The following CTSH variants were observed in gnomAD, a reference collection of about 807,000 sequenced individuals.
The protein encoded by CTSH is cathepsin H.
CTSH carries 52 observed loss-of-function variants against 56.3 expected under a neutral mutation model. That is an observed-to-expected ratio of 0.92 (90% CI 0.74 to 1.16). The LOEUF (loss-of-function observed/expected upper bound fraction) is 1.16. CTSH is among the 50% of genes most tolerant of loss of function. The pLI, the probability that CTSH is intolerant of heterozygous loss-of-function variation, is 0.00. For missense variants in CTSH, 406 were observed against 424.5 expected, an observed-to-expected ratio of 0.96 and a Z score of 0.38; for synonymous variants, 174 against 155.7, an observed-to-expected ratio of 1.12 and a Z score of -0.88.
chr15:78,944,877 C>T lies in CTSH; in HGVS notation c.91+14G>A, dbSNP rs895016223. On this transcript the variant is annotated intron_variant, in intron 1 of 11. Coordinates refer to ENST00000220166, the MANE Select transcript of CTSH (RefSeq NM_004390.5). ...CCTGCTAGCACCCTCTCGGGCGGCG[C>T]GCCCTCTGCGTACCTAAGGAGTTCA... The T allele has an allele frequency of 2.6e-6, 4 of 1,545,198 alleles. No individual in the cohort carries two copies. The highest frequency in any genetic ancestry group is 3.5e-6 in the Non-Finnish European group (4 of 1,143,964).
intron 8 of CTSH, among the ~76,000 whole-genome samples, chr15:78,928,903 TCAC>T (rs1373874283): frequency 6.6e-6 from 1 of 151,742 alleles, no homozygotes; most frequent in Non-Finnish European, 1.5e-5. Flanking sequence ...GTGCTGCTCA[TCAC>T]CACGAGGGGA....
At position 78,922,074 on chromosome 15, in the gene CTSH, GC is replaced by G; in HGVS notation, c.*55del. 6.7e-7 allele frequency: 1 copy of G among 1,499,318 alleles called. No individual in the cohort carries two copies. The allele number at this position is 1,499,318 out of a possible 1,614,324, so 92.9% of individuals were successfully genotyped here. ...CCTCCAGGGCAGGATTTCCACCCAG[GC>G]CCAGGCTGCCCGTTCCTCTCCTTCT... is the stretch of plus-strand genomic sequence containing the variant. On this transcript the variant is annotated 3_prime_UTR_variant, in exon 12 of 12. Coordinates refer to ENST00000220166, the MANE Select transcript of CTSH (RefSeq NM_004390.5).
intron 7 of CTSH, 60 bp downstream of exon 7, chr15:78,931,391 C>T (rs2055056755): frequency 6.2e-7 from 1 of 1,607,278 alleles, no homozygotes; most frequent in East Asian, 2.2e-5. Context: ...ACACTGGATC[C>T]TGTCGAAGCG....
chr15:78,928,564 C>CAAAAAA (rs869261525), intron 8 of CTSH, among the ~76,000 whole-genome samples: 1 of 65,880 alleles, frequency 1.5e-5, no homozygotes, highest in Non-Finnish European at 3.1e-5. Flanking sequence ...GACTCCGTCT[C>CAAAAAA]AAAAAAAAAA....
chr15:78,921,865 A>G lies in CTSH; in HGVS notation c.*265T>C, dbSNP rs959357488. On this transcript the variant is annotated 3_prime_UTR_variant, in exon 12 of 12. Transcript: ENST00000220166. ...TGGAAAGTAGCCCTTCTGGACAGAA[A>G]GAATATTCGTGGTCCATGTGGTTTG... 1 of 500,096 alleles carries G rather than the reference A, an allele frequency of 2.0e-6. No homozygotes were observed. Among genetic ancestry groups the G allele is most frequent in the Non-Finnish European group, 3.6e-6 (1 of 279,874 alleles). The allele number at this position is 500,096 out of a possible 1,614,324, so 31.0% of individuals were successfully genotyped here. A position where few individuals can be genotyped will look rare whatever the true frequency, so the allele number is the denominator to read the frequency against.
Position 78,924,770 on chromosome 15 carries a change from A to G in CTSH, c.806+564T>C, listed in dbSNP as rs763705120. ...AGTGGCACGATCTTGGCTTAGTGCT[A>G]CTTCCACCTCCTAGGTTCAAGCCAT... On this transcript the variant is annotated intron_variant, in intron 10 of 11. Coordinates refer to ENST00000220166, the MANE Select transcript of CTSH (RefSeq NM_004390.5). Among the ~76,000 whole-genome samples, 13 of 148,376 alleles carry G rather than the reference A, an allele frequency of 8.8e-5. No homozygotes were observed. The South Asian group carries it at 2.3e-3, about 27-fold the overall frequency.
chr15:78,929,333 A>T (rs1335932633), intron 8 of CTSH, 79 bp downstream of exon 8: 2 of 1,080,526 alleles, frequency 1.9e-6, no homozygotes, highest in Admixed American at 3.9e-5. Flanking sequence ...GGGAGAAGGG[A>T]TGTCTTCCAA....
chr15:78,929,324 G>T, intron 8 of CTSH, 88 bp downstream of exon 8: 1 of 995,918 alleles, frequency 1.0e-6, no homozygotes, highest in Non-Finnish European at 1.6e-6. Context: ...GGAGGTGGGG[G>T]GAGAAGGGAT....
chr15:78,924,097 G>A (rs1310131288), intron 10 of CTSH, among the ~76,000 whole-genome samples: 2 of 4,278 alleles, frequency 4.7e-4, no homozygotes, highest in Non-Finnish European at 1.1e-3. Flanking sequence ...CCAACCCAGC[G>A]GGGGGGGGGG....
intron 2 of CTSH, 22 bp from the exon 3 acceptor site, chr15:78,937,445 G>C (rs1437675372): frequency 6.3e-7 from 1 of 1,596,258 alleles, no homozygotes; most frequent in Non-Finnish European, 8.6e-7. Context: ...CACGCCAGTA[G>C]CAAGTCATGG....
At chr15:78,942,822 T>C (rs1013090646) in intron 1 of CTSH, among the ~76,000 whole-genome samples, 1 of 152,196 alleles carries the variant, frequency 6.6e-6, no homozygotes, top group Non-Finnish European at 1.5e-5. Flanking sequence ...TATCTTCCTG[T>C]TTCCCCAAGG....
At chr15:78,932,600 C>A in intron 5 of CTSH, 142 bp from the exon 6 acceptor site, 1 of 633,298 alleles carries the variant, frequency 1.6e-6, no homozygotes, top group Non-Finnish European at 2.8e-6. Context: ...TGTTCCAGAT[C>A]CATTCATTCT....
intron 1 of CTSH, chr15:78,944,609 G>T: frequency 2.7e-6 from 1 of 365,746 alleles, no homozygotes; most frequent in Non-Finnish European, 4.9e-6. Context: ...GGAAGGAGCT[G>T]CGGGCTCCTT....
intron 6 of CTSH, 151 bp downstream of exon 6, chr15:78,932,221 T>G: frequency 3.7e-6 from 3 of 810,956 alleles, no homozygotes; most frequent in Non-Finnish European, 5.8e-6. Flanking sequence ...TCAATTGAGA[T>G]TCTCATGCCA....
At chr15:78,926,920 C>G (rs750807414) in intron 9 of CTSH, 2 of 152,348 alleles carry the variant, frequency 1.3e-5, no homozygotes, top group East Asian at 1.9e-4. Context: ...TTGGCACATG[C>G]TTCAACTAAA....
At position 78,941,795 on chromosome 15, in the gene CTSH, C is replaced by CAA. The variant is rs34594037; in HGVS notation, c.92-2626_92-2625dup. Among the ~76,000 whole-genome samples, 148 of 121,476 alleles carry CAA rather than the reference C, an allele frequency of 1.2e-3. 1 individual carries two copies. In the Middle Eastern group the frequency reaches 0.012, roughly 10 times the overall value. The allele number at this position is 121,476 out of a possible 152,430, so 79.7% of individuals were successfully genotyped here. A position where few individuals can be genotyped will look rare whatever the true frequency, so the allele number is the denominator to read the frequency against. On this transcript the variant is annotated intron_variant, in intron 1 of 11. Transcript: ENST00000220166. ...TGGGCGACAGAATGAGACTCCGTCTCAAAAAAAAAAAAAAAAATTTATTCT... is the reference window on the plus strand; with the variant it reads ...TGGGCGACAGAATGAGACTCCGTCTCAAAAAAAAAAAAAAAAAAATTTATTCT...
intron 2 of CTSH, 132 bp from the exon 3 acceptor site, chr15:78,937,555 ATGGGCGGGGTAC>A: frequency 7.4e-7 from 1 of 1,342,466 alleles, no homozygotes; most frequent in Non-Finnish European, 1.0e-6. Context: ...ATCTGTGTTA[ATGGGCGGGGTAC>A]TGCTGAGAAA....
rs368866340 is a variant in CTSH at position 78,922,620 on chromosome 15, G to A, written c.932+373C>T. Among the ~76,000 whole-genome samples, 32 of 152,322 alleles carry A rather than the reference G, an allele frequency of 2.1e-4. No homozygotes were observed. In the East Asian group the frequency reaches 3.7e-3, roughly 17 times the overall value. On this transcript the variant is annotated intron_variant, in intron 11 of 11. Transcript: ENST00000220166. ...CCGCCCCATGCCAGCCTTTTCTCCC[G>A]GAAGGAGGGGCTGTCAGTGATCAGG... is the stretch of plus-strand genomic sequence containing the variant.
intron 9 of CTSH, 146 bp downstream of exon 9, chr15:78,927,567 G>T: frequency 1.4e-6 from 1 of 692,692 alleles, no homozygotes; most frequent in South Asian, 1.8e-5. Flanking sequence ...CCATCACAGC[G>T]ACTGAGACCC....
Sources: gnomAD v4.1 joint callset for allele counts (sites outside exome capture counted in the v4.1 genomes callset) on GRCh38, gnomAD v4.1.1 for gene constraint, MANE v1.5 for transcripts, NCBI Gene and HGNC (gene_info 2026-07-23, HGNC 2026-07-21) for gene names.